ANO3: variants seen among roughly 807,000 people sequenced by gnomAD.
ANO3 encodes anoctamin 3.
Under a neutral mutation model 144.8 loss-of-function variants are expected in ANO3, and 99 were observed. That is an observed-to-expected ratio of 0.68 (90% CI 0.58 to 0.81). The LOEUF (loss-of-function observed/expected upper bound fraction) is 0.81, where lower values mean the gene tolerates loss of function less well. Ranked by LOEUF, ANO3 falls within the 30% of genes least tolerant of loss-of-function variation. The pLI, the probability that ANO3 is intolerant of heterozygous loss-of-function variation, is 0.00. For synonymous variants in ANO3, 414 were observed against 392.6 expected, an observed-to-expected ratio of 1.05 and a Z score of -0.64; for missense variants, 905 against 1,202.2, an observed-to-expected ratio of 0.75 and a Z score of 3.66.
intron 1 of ANO3, among the ~76,000 whole-genome samples, chr11:26,323,101 G>T (rs1417029908): frequency 2.6e-5 from 4 of 151,900 alleles, no homozygotes; most frequent in Admixed American, 2.0e-4. Context: ...AATTTTGTGT[G>T]TGTGTTTTTT....
chr11:26,319,103 C>T (rs564126146), intron 1 of ANO3, among the ~76,000 whole-genome samples: 7 of 151,892 alleles, frequency 4.6e-5, no homozygotes, highest in Admixed American at 2.6e-4. Flanking sequence ...CAGCCTCCAA[C>T]GTAGCTGGAA....
chr11:26,524,978 A>C (rs1849125222), intron 6 of ANO3, among the ~76,000 whole-genome samples: 1 of 152,200 alleles, frequency 6.6e-6, no homozygotes, highest in Non-Finnish European at 1.5e-5. Context: ...ACTCCCATTC[A>C]TGCTTCAAGA....
chr11:26,494,571 C>T (rs1439126856), intron 4 of ANO3, among the ~76,000 whole-genome samples: 1 of 152,092 alleles, frequency 6.6e-6, no homozygotes, highest in Non-Finnish European at 1.5e-5. Context: ...TGCTGAGTAC[C>T]TTCACTAATG....
intron 20 of ANO3, among the ~76,000 whole-genome samples, chr11:26,638,324 G>A (rs774820042): frequency 9.9e-5 from 15 of 152,248 alleles, no homozygotes; most frequent in South Asian, 2.1e-4. Flanking sequence ...TCCCTGATAC[G>A]ATGTGAGGAA....
intron 1 of ANO3, among the ~76,000 whole-genome samples, chr11:26,256,927 C>G (rs1403360214): frequency 6.6e-6 from 1 of 152,006 alleles, no homozygotes; most frequent in Non-Finnish European, 1.5e-5. Context: ...CTGCCAGTAT[C>G]TAGAAAGTAG....
intron 1 of ANO3, among the ~76,000 whole-genome samples, chr11:26,367,048 A>G (rs916279857): frequency 6.6e-6 from 1 of 152,222 alleles, no homozygotes; most frequent in South Asian, 2.1e-4. Flanking sequence ...AAAACTGGCT[A>G]GCCATATGTA....
intron 1 of ANO3, among the ~76,000 whole-genome samples, chr11:26,416,084 G>C (rs569020692): frequency 3.9e-5 from 6 of 152,018 alleles, no homozygotes; most frequent in Non-Finnish European, 8.8e-5. Flanking sequence ...CATAACAAGA[G>C]GCCTTGCTTT....
At chr11:26,324,895 A>G (rs546039924) in intron 1 of ANO3, among the ~76,000 whole-genome samples, 1 of 152,314 alleles carries the variant, frequency 6.6e-6, no homozygotes, top group African/African-American at 2.4e-5. Context: ...AAAATATTTT[A>G]GTGAAATGAA....
intron 1 of ANO3, among the ~76,000 whole-genome samples, chr11:26,418,703 AGC>A (rs573513821): frequency 6.6e-6 from 1 of 151,608 alleles, no homozygotes; most frequent in African/African-American, 2.4e-5. Flanking sequence ...CAAACAAACA[AGC>A]GCGCGCGCGC....
intron 1 of ANO3, among the ~76,000 whole-genome samples, chr11:26,260,486 G>A (rs1461395): frequency 2.0e-3 from 310 of 152,194 alleles, no homozygotes; most frequent in African/African-American, 7.4e-3. Context: ...GACAATAAGC[G>A]AACAGAATCT....
intron 20 of ANO3, among the ~76,000 whole-genome samples, chr11:26,636,345 A>G (rs1412057078): frequency 2.6e-5 from 4 of 152,224 alleles, no homozygotes; most frequent in African/African-American, 9.6e-5. Context: ...GTTTTAGGAT[A>G]TTTGTGAACT....
At chr11:26,453,995 G>A (rs141400183) in intron 3 of ANO3, among the ~76,000 whole-genome samples, 37,613 of 151,944 alleles carry the variant, frequency 0.25, 5,375 homozygotes, top group African/African-American at 0.39. Context: ...ATAACGAAAT[G>A]AAGGCAGAAA....
At chr11:26,595,968 A>T (rs1338229788) in intron 14 of ANO3, among the ~76,000 whole-genome samples, 1 of 152,136 alleles carries the variant, frequency 6.6e-6, no homozygotes, top group East Asian at 1.9e-4. Context: ...TTCGCGGGTT[A>T]CTGAGTTAAG....
chr11:26,338,708 G>A (rs868230144), intron 1 of ANO3, among the ~76,000 whole-genome samples: 35 of 151,424 alleles, frequency 2.3e-4, no homozygotes, highest in Admixed American at 7.9e-4. Flanking sequence ...CCCACTGGGA[G>A]AAACAACTCC....
At chr11:26,333,458 G>A (rs902440865) in intron 1 of ANO3, among the ~76,000 whole-genome samples, 12 of 151,628 alleles carry the variant, frequency 7.9e-5, no homozygotes, top group South Asian at 6.2e-4. Flanking sequence ...ATTTTTTTGT[G>A]TTTTTAGTAG....
At chr11:26,605,750 G>T (rs752287226) in intron 17 of ANO3, among the ~76,000 whole-genome samples, 2 of 151,832 alleles carry the variant, frequency 1.3e-5, no homozygotes, top group Non-Finnish European at 2.9e-5. Flanking sequence ...CTTCTCTGAC[G>T]GTAGTTTGTA....
intron 1 of ANO3, among the ~76,000 whole-genome samples, chr11:26,378,407 T>C (rs1856475793): frequency 1.6e-5 from 1 of 61,624 alleles, no homozygotes; most frequent in Non-Finnish European, 3.2e-5. Flanking sequence ...ATTATCTATC[T>C]ATATATATTA....
chr11:26,430,844 G>T (rs1019423312), intron 1 of ANO3, among the ~76,000 whole-genome samples: 6 of 152,140 alleles, frequency 3.9e-5, no homozygotes, highest in African/African-American at 1.4e-4. Flanking sequence ...TGACTCCAGT[G>T]GCATTACAAT....
intron 3 of ANO3, among the ~76,000 whole-genome samples, chr11:26,454,145 C>G (rs1308313651): frequency 1.3e-5 from 2 of 151,656 alleles, no homozygotes; most frequent in Non-Finnish European, 2.9e-5. Context: ...AAATTGACAC[C>G]CTAACATCAC....
Sources: allele counts gnomAD v4.1 joint callset (sites outside exome capture counted in the v4.1 genomes callset), GRCh38; gene constraint gnomAD v4.1.1; transcripts MANE v1.5; gene names NCBI Gene and HGNC (gene_info 2026-07-23, HGNC 2026-07-21).